CNTNAP2: variants seen among roughly 807,000 people sequenced by gnomAD.
The protein encoded by CNTNAP2 is contactin associated protein 2.
In CNTNAP2, 98 loss-of-function variants were observed where a neutral mutation model predicts 155.2. The ratio of observed to expected loss-of-function variants is 0.63; its 90% CI spans 0.54 to 0.75. CNTNAP2 has a LOEUF of 0.75. CNTNAP2 is among the 30% of genes least tolerant of loss of function. The probability of loss-of-function intolerance (pLI) is 0.00; values close to 1 mark genes in which losing one functional copy is unlikely to be tolerated. For missense variants in CNTNAP2, 1,727 were observed against 1,688.1 expected (o/e 1.02, Z -0.40); for synonymous variants, 651 against 631.2 (o/e 1.03, Z -0.47).
chr7:146,971,875 GTATATT>G (rs1797807954), intron 3 of CNTNAP2, among the ~76,000 whole-genome samples: 1 of 152,030 alleles, frequency 6.6e-6, no homozygotes, highest in Admixed American at 6.6e-5. Context: ...ATAATAAAGA[GTATATT>G]TATTGCTTAT....
intron 13 of CNTNAP2, among the ~76,000 whole-genome samples, chr7:147,848,305 C>A (rs13226744): frequency 8.1e-4 from 118 of 146,460 alleles, no homozygotes; most frequent in African/African-American, 2.8e-3. Context: ...CGTGGTGCGC[C>A]GTTTCTTAAG....
intron 1 of CNTNAP2, among the ~76,000 whole-genome samples, chr7:146,705,280 G>A (rs1270125081): frequency 6.6e-6 from 1 of 152,006 alleles, no homozygotes; most frequent in Non-Finnish European, 1.5e-5. Context: ...TATAAACAAC[G>A]AATATGTATT....
intron 1 of CNTNAP2, among the ~76,000 whole-genome samples, chr7:146,338,454 A>C (rs12669477): frequency 2.0e-5 from 3 of 152,148 alleles, no homozygotes; most frequent in Non-Finnish European, 4.4e-5. Flanking sequence ...AGTTATATGG[A>C]GTCCAAAGAC....
intron 3 of CNTNAP2, among the ~76,000 whole-genome samples, chr7:146,890,345 G>A (rs1795751003): frequency 6.6e-6 from 1 of 152,150 alleles, no homozygotes. Context: ...GAGTTGTGAA[G>A]TGCTTTGCCC....
chr7:147,817,146 T>A (rs1481245599), intron 13 of CNTNAP2, among the ~76,000 whole-genome samples: 7 of 151,948 alleles, frequency 4.6e-5, no homozygotes, highest in Non-Finnish European at 8.8e-5. Context: ...CTGCCAAAAG[T>A]TAATGACATG....
chr7:146,120,983 T>C (rs1302597671), intron 1 of CNTNAP2, among the ~76,000 whole-genome samples: 1 of 152,170 alleles, frequency 6.6e-6, no homozygotes, highest in Non-Finnish European at 1.5e-5. Flanking sequence ...CATGATGATA[T>C]ATGTTTTTTG....
intron 21 of CNTNAP2, among the ~76,000 whole-genome samples, chr7:148,331,749 A>AATGG (rs1798026270): frequency 1.2e-4 from 13 of 109,960 alleles, no homozygotes; most frequent in Admixed American, 1.8e-4. Context: ...GGATGGATGG[A>AATGG]ACGGACGGAT....
intron 1 of CNTNAP2, among the ~76,000 whole-genome samples, chr7:146,499,541 G>A (rs932173197): frequency 1.3e-5 from 2 of 152,064 alleles, no homozygotes; most frequent in Non-Finnish European, 2.9e-5. Context: ...TGTGTCATTT[G>A]CATTCTATAT....
At chr7:146,845,120 A>T (rs1221852061) in intron 3 of CNTNAP2, among the ~76,000 whole-genome samples, 1 of 152,212 alleles carries the variant, frequency 6.6e-6, no homozygotes, top group Non-Finnish European at 1.5e-5. Context: ...CATTTCAAAA[A>T]TCTAGAAGAC....
At chr7:147,014,914 G>A (rs759201435) in intron 3 of CNTNAP2, among the ~76,000 whole-genome samples, 23 of 152,070 alleles carry the variant, frequency 1.5e-4, no homozygotes, top group Non-Finnish European at 3.1e-4. Flanking sequence ...TGAGATGCCT[G>A]ACAAATTAAT....
rs1354192992 is a variant in CNTNAP2, at chr7:147,386,903, T to C, written c.1499-8706T>C. 4.6e-5 allele frequency among the ~76,000 whole-genome samples: 7 copies of C among 152,322 alleles called. No homozygotes were observed. The South Asian group carries it at 8.3e-4, about 18-fold the overall frequency. ...CAATTTACCAAAGAAAGAGGTTTAA[T>C]GGACTTACAGTTCCATGTGGCTAGG... On this transcript the variant is annotated intron_variant, in intron 9 of 23. Coordinates refer to ENST00000361727, the MANE Select transcript of CNTNAP2 (RefSeq NM_014141.6).
In CNTNAP2 at chr7:146,768,636, T is replaced by C. The variant is rs563657458; in HGVS notation, c.98-5635T>C. The stretch of plus-strand genomic sequence containing the variant: ...GTACACGTAAGACCACAGAGTGATG[T>C]GTTCAACTCAGAATGTGCCTTTTGC... On this transcript the variant is annotated intron_variant, in intron 1 of 23. Coordinates refer to ENST00000361727, the MANE Select transcript of CNTNAP2 (RefSeq NM_014141.6). Among the ~76,000 whole-genome samples the C allele has an allele frequency of 3.9e-5, 6 of 151,964 alleles. No homozygotes were observed. In the South Asian group the frequency reaches 1.2e-3, roughly 32 times the overall value.
chr7:146,862,106 G>A (rs1457711167), intron 3 of CNTNAP2, among the ~76,000 whole-genome samples: 3 of 152,122 alleles, frequency 2.0e-5, no homozygotes, highest in Non-Finnish European at 4.4e-5. Context: ...AGGCGCGGTC[G>A]ATGGCAATGT....
chr7:146,523,417 A>G (rs1318512025), intron 1 of CNTNAP2, among the ~76,000 whole-genome samples: 1 of 152,076 alleles, frequency 6.6e-6, no homozygotes, highest in African/African-American at 2.4e-5. Flanking sequence ...TATTGTATAA[A>G]AGAGTGTCCA....
intron 1 of CNTNAP2, among the ~76,000 whole-genome samples, chr7:146,354,420 T>TC (rs1371177012): frequency 6.7e-6 from 1 of 150,336 alleles, no homozygotes; most frequent in South Asian, 2.1e-4. Context: ...TATTTTTTTT[T>TC]TTTTTTTTGT....
intron 1 of CNTNAP2, among the ~76,000 whole-genome samples, chr7:146,145,326 G>A (rs796513942): frequency 2.2e-4 from 33 of 152,248 alleles, no homozygotes; most frequent in African/African-American, 7.2e-4. Context: ...CTAGAATGAT[G>A]GCACCTGGCC....
At chr7:147,298,244 G>T (rs1350408130) in intron 8 of CNTNAP2, among the ~76,000 whole-genome samples, 2 of 151,980 alleles carry the variant, frequency 1.3e-5, no homozygotes, top group Non-Finnish European at 2.9e-5. Context: ...GCCTGACATG[G>T]TGAAACCATG....
intron 15 of CNTNAP2, among the ~76,000 whole-genome samples, chr7:148,022,265 C>T (rs376842072): frequency 6.6e-6 from 1 of 151,922 alleles, no homozygotes; most frequent in Admixed American, 6.6e-5. Flanking sequence ...CTCAGGAGTT[C>T]GAGACCAGCC....
chr7:146,781,277 G>A (rs573252713), intron 2 of CNTNAP2, among the ~76,000 whole-genome samples: 2 of 150,190 alleles, frequency 1.3e-5, no homozygotes, highest in South Asian at 2.1e-4. Flanking sequence ...GTTGATAGGT[G>A]CAGTAAGCCA....
Sources: allele counts gnomAD v4.1 joint callset (sites outside exome capture counted in the v4.1 genomes callset), GRCh38; gene constraint gnomAD v4.1.1; transcripts MANE v1.5; gene names NCBI Gene and HGNC (gene_info 2026-07-23, HGNC 2026-07-21).